Variants in UGGT1 observed in about 807,000 individuals in gnomAD.
UGGT1 encodes the protein UDP-glucose glycoprotein glucosyltransferase 1.
UGGT1 carries 107 observed loss-of-function variants against 203.9 expected under a neutral mutation model. The ratio of observed to expected loss-of-function variants is 0.52; its 90% CI spans 0.45 to 0.62. The LOEUF is 0.62. Among genes scored for constraint, UGGT1 ranks in the 20% least tolerant of loss-of-function variants. The pLI, the probability that UGGT1 is intolerant of heterozygous loss-of-function variation, is 0.00. For synonymous variants in UGGT1, 628 were observed against 653.5 expected (o/e 0.96, Z 0.59); for missense variants, 1,673 against 1,867.2 (o/e 0.90, Z 1.92).
chr2:128,109,629 G>T lies in UGGT1; in HGVS notation c.409-5G>T, dbSNP rs775514479. 1.7e-5 allele frequency: 28 copies of T among 1,611,480 alleles called. No individual in the cohort carries two copies. The highest frequency in any genetic ancestry group is 2.2e-5 in the Non-Finnish European group (26 of 1,177,662). ...AAAAAGTATGTGTTGTGTCTTATGT[G>T]ACAGATAGCAGCTGATGAACCTCCA... On this transcript the variant is annotated splice_region_variant and splice_polypyrimidine_tract_variant and intron_variant, in intron 4 of 40. Coordinates refer to ENST00000259253, the MANE Select transcript of UGGT1 (RefSeq NM_020120.4).
chr2:128,116,202 A>G, intron 7 of UGGT1, 63 bp from the exon 8 acceptor site: 1 of 1,019,598 alleles, frequency 9.8e-7, no homozygotes, highest in Non-Finnish European at 1.5e-6. Flanking sequence ...TTATGAGACT[A>G]GTAACGTTTT....
rs183478175 is a variant in UGGT1 at position 128,159,429 on chromosome 2, C to T, written c.2356-85C>T. ...CTTTTAAGAGAGATATTATTTGCTACTTATTGAACATGACTGATGTTAATG... is the reference window on the plus strand; with the variant it reads ...CTTTTAAGAGAGATATTATTTGCTATTTATTGAACATGACTGATGTTAATG... On this transcript the variant is annotated intron_variant, in intron 22 of 40. Transcript: ENST00000259253. 330 of 1,239,974 alleles carry T rather than the reference C, an allele frequency of 2.7e-4. No homozygotes were observed. In the African/African-American group the frequency reaches 2.8e-3, roughly 11 times the overall value. 76.8% of individuals were successfully genotyped at this position (1,239,974 alleles called of 1,614,324 possible).
At position 128,195,448 on chromosome 2, in the gene UGGT1, G is replaced by A. The variant is rs1219914413; in HGVS notation, c.*5706G>A. ...GGTGGGAAAATGTTATAATTTTTAA[G>A]GAAACTGTGTACTTTAAAAATCTTC... On this transcript the variant is annotated 3_prime_UTR_variant, in exon 41 of 41. Coordinates refer to ENST00000259253, the MANE Select transcript of UGGT1 (RefSeq NM_020120.4). 1 of 152,230 alleles carries A rather than the reference G, an allele frequency of 6.6e-6. No homozygotes were observed. The highest frequency in any genetic ancestry group is 6.5e-5 in the Admixed American group (1 of 15,280). 9.4% of individuals were successfully genotyped at this position (152,230 alleles called of 1,614,324 possible).
intron 8 of UGGT1, among the ~76,000 whole-genome samples, chr2:128,118,140 T>C (rs1185263104): frequency 6.6e-6 from 1 of 152,220 alleles, no homozygotes; most frequent in Non-Finnish European, 1.5e-5. Context: ...TATCTTAGTT[T>C]ACATTGAATT....
At chr2:128,107,834 G>C (rs888033125) in intron 3 of UGGT1, 104 bp from the exon 4 acceptor site, 73 of 1,477,900 alleles carry the variant, frequency 4.9e-5, no homozygotes, top group Non-Finnish European at 6.3e-5. Flanking sequence ...GGTAAAACTT[G>C]CCTTCACATA....
At chr2:128,143,555 G>A (rs1689539549) in intron 17 of UGGT1, among the ~76,000 whole-genome samples, 1 of 152,192 alleles carries the variant, frequency 6.6e-6, no homozygotes, top group Non-Finnish European at 1.5e-5. Context: ...ATGATGAGTA[G>A]AGTGGACAAA....
At chr2:128,123,993 T>A (rs1688498453) in intron 11 of UGGT1, among the ~76,000 whole-genome samples, 1 of 152,222 alleles carries the variant, frequency 6.6e-6, no homozygotes, top group Non-Finnish European at 1.5e-5. Context: ...TCACCCAGGC[T>A]GGAGTGCAGT....
At chr2:128,187,390 A>C (rs1692033165) in intron 39 of UGGT1, 59 bp from the exon 40 acceptor site, 25 of 1,484,686 alleles carry the variant, frequency 1.7e-5, no homozygotes, top group Non-Finnish European at 2.0e-5. Flanking sequence ...GAACCTTTGA[A>C]TTCTCTATCA....
rs1308847803 is a variant in UGGT1, at chr2:128,114,975, T to C, written c.697-149T>C. On this transcript the variant is annotated intron_variant, in intron 6 of 40. Coordinates refer to ENST00000259253, the MANE Select transcript of UGGT1 (RefSeq NM_020120.4). Reference sequence around the variant, plus strand: ...TTAGTGAACTTTCTTAGCCATATAGTTAATATCGTTAAAAAACAATTTAAA... The same window carrying C: ...TTAGTGAACTTTCTTAGCCATATAGCTAATATCGTTAAAAAACAATTTAAA... 10 of 709,940 alleles carry C rather than the reference T, an allele frequency of 1.4e-5. 1 individual carries two copies. The Admixed American group carries it at 2.9e-4, about 21-fold the overall frequency. 44.0% of individuals were successfully genotyped at this position (709,940 alleles called of 1,614,324 possible). A position where few individuals can be genotyped will look rare whatever the true frequency, so the allele number is the denominator to read the frequency against.
At chr2:128,100,040 T>C in intron 2 of UGGT1, among the ~76,000 whole-genome samples, 1 of 83,584 alleles carries the variant, frequency 1.2e-5, no homozygotes, top group African/African-American at 5.2e-5. Context: ...ACCCTACTTA[T>C]TTTTTTTGAG....
Position 128,138,719 on chromosome 2 carries a change from T to C in UGGT1, c.1586T>C (p.Ile529Thr). Residue 529 changes from isoleucine to threonine, a missense_variant and splice_region_variant, in exon 16 of 41, where the codon ATT becomes ACT. Coordinates refer to ENST00000259253, the MANE Select transcript of UGGT1 (RefSeq NM_020120.4). ...MFLSNHIPLR[I>T]GFIFVVNDSE... ...TTTTCTTTTCCCTTTCCCTCCAGAA[T>C]TGGTTTTATCTTTGTGGTTAATGAC... The C allele has an allele frequency of 6.2e-7, 1 of 1,609,534 alleles. No individual in the cohort carries two copies. The highest frequency in any genetic ancestry group is 2.2e-5 in the East Asian group (1 of 44,862).
intron 37 of UGGT1, 88 bp from the exon 38 acceptor site, chr2:128,183,587 G>A: frequency 1.1e-6 from 1 of 886,084 alleles, no homozygotes; most frequent in Non-Finnish European, 1.8e-6. Flanking sequence ...CAGAATATTT[G>A]GCTAGTGGCC....
intron 2 of UGGT1, among the ~76,000 whole-genome samples, chr2:128,099,651 TC>T (rs1244322384): frequency 6.6e-6 from 1 of 152,178 alleles, no homozygotes; most frequent in African/African-American, 2.4e-5. Flanking sequence ...TAAATAGACT[TC>T]CTTCCATCGC....
chr2:128,165,583 G>A (rs369816236), intron 26 of UGGT1, among the ~76,000 whole-genome samples: 8 of 152,086 alleles, frequency 5.3e-5, no homozygotes, highest in Non-Finnish European at 1.0e-4. Flanking sequence ...TGTAATACCA[G>A]CTACTCAGGA....
chr2:128,159,193 G>A (rs10188893), intron 22 of UGGT1, among the ~76,000 whole-genome samples: 63,814 of 149,388 alleles, frequency 0.43, 13,770 homozygotes, highest in South Asian at 0.57. Flanking sequence ...TCCACCTCCC[G>A]AGTTCAAGCG....
intron 27 of UGGT1, 76 bp from the exon 28 acceptor site, chr2:128,171,129 T>G: frequency 7.5e-7 from 1 of 1,331,516 alleles, no homozygotes; most frequent in South Asian, 1.3e-5. Flanking sequence ...TCTTGAGATA[T>G]TAATAGCTCA....
intron 22 of UGGT1, among the ~76,000 whole-genome samples, chr2:128,159,269 T>C (rs1218629387): frequency 6.6e-6 from 1 of 151,700 alleles, no homozygotes; most frequent in Non-Finnish European, 1.5e-5. Flanking sequence ...CTGGCTAATC[T>C]TTTGTATTTT....
At chr2:128,173,482 C>G (rs190197955) in intron 29 of UGGT1, among the ~76,000 whole-genome samples, 1 of 151,892 alleles carries the variant, frequency 6.6e-6, no homozygotes, top group African/African-American at 2.4e-5. Flanking sequence ...TCTTTCCAAC[C>G]TAGTTTTTAT....
chr2:128,102,177 T>G (rs1687405560), intron 2 of UGGT1, among the ~76,000 whole-genome samples: 1 of 152,002 alleles, frequency 6.6e-6, no homozygotes, highest in Non-Finnish European at 1.5e-5. Flanking sequence ...AGTTTCACTC[T>G]TGTTGCCCAG....
Sources: allele counts gnomAD v4.1 joint callset (sites outside exome capture counted in the v4.1 genomes callset), GRCh38; gene constraint gnomAD v4.1.1; transcripts MANE v1.5; gene names NCBI Gene and HGNC (gene_info 2026-07-23, HGNC 2026-07-21).